The following DAPK1 variants were observed in gnomAD, a reference collection of about 807,000 sequenced individuals.
The protein encoded by DAPK1 is death-associated protein kinase 1.
In DAPK1, 56 loss-of-function variants were observed where a neutral mutation model predicts 144.9. The ratio of observed to expected loss-of-function variants is 0.39; its 90% CI spans 0.31 to 0.48. The LOEUF (loss-of-function observed/expected upper bound fraction) is 0.48. Ranked by LOEUF, DAPK1 falls within the 20% of genes least tolerant of loss-of-function variation. DAPK1 has a pLI of 0.95. For synonymous variants in DAPK1, 690 were observed against 749.0 expected (o/e 0.92, Z 1.29); for missense variants, 1,454 against 1,875.4 (o/e 0.78, Z 4.15).
At chr9:87,574,140 T>C (rs1454792947) in intron 2 of DAPK1, among the ~76,000 whole-genome samples, 1 of 152,224 alleles carries the variant, frequency 6.6e-6, no homozygotes. Flanking sequence ...AGTCACGTCC[T>C]TTCCCATGAA....
At position 87,647,332 on chromosome 9, in the gene DAPK1, G is replaced by T. The variant is rs761852807; in HGVS notation, c.1258G>T (p.Ala420Ser). The T allele has an allele frequency of 6.2e-7, 1 of 1,614,050 alleles. No individual in the cohort carries two copies. The highest frequency in any genetic ancestry group is 8.5e-7 in the Non-Finnish European group (1 of 1,180,022). The change falls in exon 14 of 26, where the codon GCT becomes TCT. Residue 420 changes from alanine (A) to serine (S), a missense_variant. Transcript: ENST00000408954. ...CGGGTCCAATGCCGTCTACTGGGCT[G>T]CTCGGCATGGCCACGTCGATACCTT... is the stretch of plus-strand genomic sequence containing the variant. ...KGGSNAVYWA[A>S]RHGHVDTLKF... is the part of the protein sequence containing the mutation.
intron 18 of DAPK1, 56 bp from the exon 19 acceptor site, chr9:87,668,541 A>G: frequency 1.1e-6 from 1 of 907,834 alleles, no homozygotes; most frequent in Non-Finnish European, 1.9e-6. Context: ...TGGCGTATGG[A>G]ACACACACAG....
At chr9:87,503,073 T>C (rs1291279690) in intron 2 of DAPK1, among the ~76,000 whole-genome samples, 1 of 152,108 alleles carries the variant, frequency 6.6e-6, no homozygotes, top group Non-Finnish European at 1.5e-5. Context: ...GAATGCTCAT[T>C]TGGAAAGTGG....
At chr9:87,573,534 G>A (rs190932410) in intron 2 of DAPK1, among the ~76,000 whole-genome samples, 3 of 152,360 alleles carry the variant, frequency 2.0e-5, no homozygotes, top group Non-Finnish European at 2.9e-5. Flanking sequence ...GAGGCTTGGT[G>A]TGTTTGCAGA....
chr9:87,692,094 A>ATCT (rs1234570497), intron 21 of DAPK1, among the ~76,000 whole-genome samples: 1 of 149,188 alleles, frequency 6.7e-6, no homozygotes, highest in Non-Finnish European at 1.5e-5. Context: ...AATTCCCCAA[A>ATCT]TATTGTTGTA....
chr9:87,609,608 A>G (rs1278751705), intron 3 of DAPK1, among the ~76,000 whole-genome samples: 2 of 152,236 alleles, frequency 1.3e-5, no homozygotes, highest in African/African-American at 4.8e-5. Flanking sequence ...GAAAATTATC[A>G]TCCTAAATTC....
chr9:87,563,194 A>G (rs768675293), intron 2 of DAPK1, among the ~76,000 whole-genome samples: 12 of 152,202 alleles, frequency 7.9e-5, no homozygotes, highest in Admixed American at 6.5e-4. Context: ...GTAAACTCCA[A>G]TTTCTAAGTT....
intron 3 of DAPK1, among the ~76,000 whole-genome samples, chr9:87,628,403 C>T (rs1051345158): frequency 3.3e-5 from 5 of 152,236 alleles, no homozygotes; most frequent in African/African-American, 1.2e-4. Flanking sequence ...TCTCTGACCC[C>T]CTGAATCTAT....
In DAPK1 at chr9:87,647,307, C is replaced by T. The variant is rs777844307; in HGVS notation, c.1233C>T (p.Gly411=). 33 of 1,613,726 alleles carry T rather than the reference C, an allele frequency of 2.0e-5. No individual in the cohort carries two copies. The highest frequency in any genetic ancestry group is 5.3e-5 in the African/African-American group (4 of 74,892). ...ACCCCAGGTTGATTTTCCTGCAGGG[C>T]GGGTCCAATGCCGTCTACTGGGCTG... ...RGSRIDVQDK[G]GSNAVYWAAR... is the part of the protein sequence containing the mutation. The change falls in exon 14 of 26, where the codon GGC becomes GGT. Residue 411 remains glycine (G), a splice_region_variant and synonymous_variant. Transcript: ENST00000408954.
At chr9:87,647,241 G>A in intron 13 of DAPK1, 64 bp from the exon 14 acceptor site, 1 of 1,266,740 alleles carries the variant, frequency 7.9e-7, no homozygotes, top group East Asian at 2.3e-5. Context: ...GTGAGTCTGA[G>A]GAATGCATGC....
In DAPK1 at chr9:87,571,476, A is replaced by AACACACACACAC. The variant is rs56299528; in HGVS notation, c.63-33471_63-33460dup. Among the ~76,000 whole-genome samples, 10 of 48,558 alleles carry AACACACACACAC rather than the reference A, an allele frequency of 2.1e-4. 1 individual carries two copies. Among genetic ancestry groups the AACACACACACAC allele is most frequent in the South Asian group, 9.8e-4 (1 of 1,018 alleles). The allele number at this position is 48,558 out of a possible 152,430, so 31.9% of individuals were successfully genotyped here. A position where few individuals can be genotyped will look rare whatever the true frequency, so the allele number is the denominator to read the frequency against. ...ACACACACACACACACACACACACC[A>AACACACACACAC]ACACACACACACACACACCCCAACA... On this transcript the variant is annotated intron_variant, in intron 2 of 25. Transcript: ENST00000408954.
At chr9:87,516,853 G>C (rs1410198637) in intron 2 of DAPK1, among the ~76,000 whole-genome samples, 1 of 152,178 alleles carries the variant, frequency 6.6e-6, no homozygotes, top group Non-Finnish European at 1.5e-5. Flanking sequence ...AGGTGTGGCA[G>C]TCAGGGTGCT....
chr9:87,544,783 G>A (rs946940935), intron 2 of DAPK1, among the ~76,000 whole-genome samples: 2 of 152,076 alleles, frequency 1.3e-5, no homozygotes, highest in African/African-American at 2.4e-5. Context: ...TGTTTAAGAC[G>A]GACATAAAGC....
intron 25 of DAPK1, among the ~76,000 whole-genome samples, chr9:87,703,562 G>C (rs1825532263): frequency 6.6e-6 from 1 of 152,088 alleles, no homozygotes; most frequent in African/African-American, 2.4e-5. Context: ...CAGCCTTCAG[G>C]ATGGCTTCTT....
chr9:87,558,207 A>T (rs925546091), intron 2 of DAPK1, among the ~76,000 whole-genome samples: 1 of 151,612 alleles, frequency 6.6e-6, no homozygotes, highest in Non-Finnish European at 1.5e-5. Flanking sequence ...GTGGTCATGG[A>T]CTCTCTTAGG....
chr9:87,572,874 C>T (rs1477537320), intron 2 of DAPK1, among the ~76,000 whole-genome samples: 1 of 152,198 alleles, frequency 6.6e-6, no homozygotes, highest in African/African-American at 2.4e-5. Context: ...ATTTAAAACA[C>T]ACATCCAGAT....
At chr9:87,607,257 A>G (rs1828764687) in intron 3 of DAPK1, among the ~76,000 whole-genome samples, 1 of 152,200 alleles carries the variant, frequency 6.6e-6, no homozygotes, top group Non-Finnish European at 1.5e-5. Context: ...AACTGGGATC[A>G]AAATCCAGGG....
chr9:87,689,170 A>T (rs1824966768), intron 21 of DAPK1, among the ~76,000 whole-genome samples: 2 of 151,994 alleles, frequency 1.3e-5, no homozygotes, highest in African/African-American at 4.8e-5. Context: ...CAGCTATCCC[A>T]GCGCCATTGA....
At chr9:87,664,302 T>A (rs1446786109) in intron 18 of DAPK1, among the ~76,000 whole-genome samples, 1 of 152,068 alleles carries the variant, frequency 6.6e-6, no homozygotes, top group African/African-American at 2.4e-5. Context: ...GAGCTCCCCT[T>A]TCCCCCTTCA....
Sources: allele counts gnomAD v4.1 joint callset (sites outside exome capture counted in the v4.1 genomes callset), GRCh38; gene constraint gnomAD v4.1.1; transcripts MANE v1.5; gene names NCBI Gene and HGNC (gene_info 2026-07-23, HGNC 2026-07-21).